TUFM: variants seen among roughly 807,000 people sequenced by gnomAD.
TUFM encodes the protein elongation factor Tu, mitochondrial.
In TUFM, 23 loss-of-function variants were observed where a neutral mutation model predicts 45.0. The observed-to-expected ratio is 0.51, with a 90% CI of 0.37 to 0.72. TUFM has a LOEUF of 0.72. Among genes scored for constraint, TUFM ranks in the 30% least tolerant of loss-of-function variants. TUFM has a pLI of 0.00. For missense variants in TUFM, 490 were observed against 610.7 expected (o/e 0.80, Z 2.08); for synonymous variants, 243 against 252.9 (o/e 0.96, Z 0.37).
rs1323220440 is a variant in TUFM, at chr16:28,844,618, TC to T, written c.685-68del. ...CTTCCCTCGATTATCAAGAGCCACT[TC>T]CCAGACACAAAGCAGAGCTCTGGGT... On this transcript the variant is annotated intron_variant, in intron 5 of 9. Coordinates refer to ENST00000313511, the MANE Select transcript of TUFM (RefSeq NM_003321.5). The surrounding 1 kb of genome is among the most constrained non-coding windows in gnomAD (Gnocchi z 5.8). The T allele has an allele frequency of 1.2e-6, 2 of 1,613,418 alleles. No individual in the cohort carries two copies. Among genetic ancestry groups the T allele is most frequent in the African/African-American group, 2.7e-5 (2 of 74,924 alleles).
Position 28,845,002 on chromosome 16 carries a change from G to A in TUFM, c.468C>T (p.Ala156=), listed in dbSNP as rs778108863. The A allele has an allele frequency of 6.2e-7, 1 of 1,614,146 alleles. No homozygotes were observed. The highest frequency in any genetic ancestry group is 8.5e-7 in the Non-Finnish European group (1 of 1,180,018). Residue 156 remains alanine (A), a synonymous_variant, in exon 4 of 10, where the codon GCC becomes GCT. Transcript: ENST00000313511. ...GGGTCTGGGGCATGGGGCCGTCATT[G>A]GCTGCTACCACCAGGATGCAGCCGT... ...PLDGCILVVA[A]NDGPMPQTRE...
chr16:28,843,002 C>T lies in TUFM; in HGVS notation c.1341G>A (p.Glu447=). ...GLVTNTLAMT[E]EEKNIKWG ...AACCCCATTTGATATTCTTCTCCTC[C>T]TCAGTCATGGCCAGCGTGTTGGTGA... Residue 447 remains glutamate, a synonymous_variant, in exon 10 of 10, where the codon GAG becomes GAA. Transcript: ENST00000313511. 6.2e-7 allele frequency: 1 copy of T among 1,614,212 alleles called. No individual in the cohort carries two copies. Among genetic ancestry groups the T allele is most frequent in the Non-Finnish European group, 8.5e-7 (1 of 1,180,046 alleles).
chr16:28,845,932 A>C lies in TUFM; in HGVS notation c.227T>G (p.Leu76Arg). The C allele has an allele frequency of 6.2e-7, 1 of 1,614,048 alleles. No homozygotes were observed. The highest frequency in any genetic ancestry group is 1.3e-5 in the African/African-American group (1 of 75,040). ...IGHVDHGKTT[L>R]TAAITKILAE... ...CTCACTCTTCGTGATGGCTGCAGTC[A>C]GCGTGGTCTTCCCGTGGTCCACATG... The change falls in exon 2 of 10, where the codon CTG (leucine) becomes CGG (arginine). Residue 76 changes from leucine to arginine, a missense_variant. Physicochemically the swap from Leu to Arg is moderately radical, Grantham distance 102. Coordinates refer to ENST00000313511, the MANE Select transcript of TUFM (RefSeq NM_003321.5).
rs1231389077 is a variant in TUFM, at chr16:28,845,985, C to T, written c.174G>A (p.Lys58=). Residue 58 remains lysine, a synonymous_variant, in exon 2 of 10, where the codon AAG becomes AAA. Transcript: ENST00000313511. ...VEAKKTYVRD[K]PHVNVGTIGH... ...CGATGGTACCCACATTCACATGTGGCTTGTCGCGCACGTAAGTCTTCTTGG... is the reference window on the plus strand; with the variant it reads ...CGATGGTACCCACATTCACATGTGGTTTGTCGCGCACGTAAGTCTTCTTGG... The T allele has an allele frequency of 6.2e-7, 1 of 1,613,994 alleles. No individual in the cohort carries two copies. Among genetic ancestry groups the T allele is most frequent in the Non-Finnish European group, 8.5e-7 (1 of 1,180,058 alleles).
At chr16:28,845,749 C>G (rs537581584) in intron 2 of TUFM, among the ~76,000 whole-genome samples, 163 bp downstream of exon 2, 2 of 152,276 alleles carry the variant, frequency 1.3e-5, no homozygotes, top group African/African-American at 4.8e-5. Context: ...TCTTCCTGTT[C>G]AGGAGAAATT....
In TUFM at chr16:28,842,888, A is replaced by G. The variant is rs954404253; in HGVS notation, c.*87T>C. 144 of 1,553,894 alleles carry G rather than the reference A, an allele frequency of 9.3e-5. No individual in the cohort carries two copies. The highest frequency in any genetic ancestry group is 2.7e-4 in the East Asian group (12 of 44,606). On this transcript the variant is annotated 3_prime_UTR_variant, in exon 10 of 10. Coordinates refer to ENST00000313511, the MANE Select transcript of TUFM (RefSeq NM_003321.5). ...GCTGCCCTCTGCTGGGTTGCAGCCT[A>G]TGCCATGAGAGGGTACTGGAAGCAG...
Position 28,846,023 on chromosome 16 carries a change from G to A in TUFM, c.136C>T (p.Leu46=), listed in dbSNP as rs1009921693. The part of the protein sequence containing the change: ...APALPLLCRG[L]AVEAKKTYVR... ...TAAGTCTTCTTGGCCTCCACGGCCA[G>A]GCCGCGGCACAAGAGAGGCAATGCC... Residue 46 remains leucine (L), a synonymous_variant, in exon 2 of 10, where the codon CTG becomes TTG. Coordinates refer to ENST00000313511, the MANE Select transcript of TUFM (RefSeq NM_003321.5). 6.2e-7 allele frequency: 1 copy of A among 1,613,700 alleles called. No individual in the cohort carries two copies. Among genetic ancestry groups the A allele is most frequent in the Admixed American group, 1.7e-5 (1 of 60,004 alleles).
Position 28,846,291 on chromosome 16 carries a change from G to T in TUFM, c.-22C>A, listed in dbSNP as rs548579608. The T allele has an allele frequency of 2.1e-5, 33 of 1,550,204 alleles. No individual in the cohort carries two copies. Among genetic ancestry groups the T allele is most frequent in the South Asian group, 7.1e-5 (6 of 84,372 alleles). On this transcript the variant is annotated 5_prime_UTR_variant, in exon 1 of 10. Coordinates refer to ENST00000313511, the MANE Select transcript of TUFM (RefSeq NM_003321.5). ...TCATACTCGCGCCCCGGTAACCGGGGAGCCGGGACCAGGAGCCCGAGCGCA... is the reference window on the plus strand; with the variant it reads ...TCATACTCGCGCCCCGGTAACCGGGTAGCCGGGACCAGGAGCCCGAGCGCA...
rs201306554 is a variant in TUFM at position 28,844,212 on chromosome 16, C to T, written c.922+18G>A. On this transcript the variant is annotated intron_variant, in intron 7 of 9. Transcript: ENST00000313511. This position sits in a 1 kb window ranked among gnomAD's most constrained non-coding sequence, Gnocchi z 5.8. ...CACCCTTCAGCCAGGCCCTGCTCTCCAGACTGGCTTCCCAAACCTGTCACC... is the reference window on the plus strand; with the variant it reads ...CACCCTTCAGCCAGGCCCTGCTCTCTAGACTGGCTTCCCAAACCTGTCACC... 24 of 1,613,904 alleles carry T rather than the reference C, an allele frequency of 1.5e-5. No individual in the cohort carries two copies. Among genetic ancestry groups the T allele is most frequent in the Non-Finnish European group, 2.0e-5 (24 of 1,179,770 alleles).
chr16:28,844,598 C>A lies in TUFM; in HGVS notation c.685-47G>T. On this transcript the variant is annotated intron_variant, in intron 5 of 9. Transcript: ENST00000313511. The surrounding 1 kb of genome is among the most constrained non-coding windows in gnomAD (Gnocchi z 5.8). ...ACTCTGAAATCCCCATTCTACTTCCCTCGATTATCAAGAGCCACTTCCCAG... is the reference window on the plus strand; with the variant it reads ...ACTCTGAAATCCCCATTCTACTTCCATCGATTATCAAGAGCCACTTCCCAG... 2 of 1,613,218 alleles carry A rather than the reference C, an allele frequency of 1.2e-6. No individual in the cohort carries two copies. The highest frequency in any genetic ancestry group is 1.1e-5 in the South Asian group (1 of 91,068).
intron 3 of TUFM, 84 bp from the exon 4 acceptor site, chr16:28,845,139 C>T: frequency 6.3e-7 from 1 of 1,574,892 alleles, no homozygotes; most frequent in Non-Finnish European, 8.7e-7. Flanking sequence ...CAGTTAGAAA[C>T]TCAGGCCCAC....
In TUFM at chr16:28,844,011, C is replaced by T. The variant is rs370231861; in HGVS notation, c.1013G>A (p.Arg338Gln). Reference sequence around the variant, plus strand: ...TGGCTTGACCATGACCAGGCCCCGCCGCAAGTCCTCCCGCTTCAAGCCTCG... The same window carrying T: ...TGGCTTGACCATGACCAGGCCCCGCTGCAAGTCCTCCCGCTTCAAGCCTCG... ...LVRGLKREDL[R>Q]RGLVMVKPGS... The change falls in exon 8 of 10, where the codon CGG becomes CAG. Residue 338 changes from arginine (R) to glutamine (Q), a missense_variant. Coordinates refer to ENST00000313511, the MANE Select transcript of TUFM (RefSeq NM_003321.5). The surrounding 1 kb of genome is among the most constrained non-coding windows in gnomAD (Gnocchi z 5.8). 28 of 1,614,070 alleles carry T rather than the reference C, an allele frequency of 1.7e-5. No individual in the cohort carries two copies. Among genetic ancestry groups the T allele is most frequent in the African/African-American group, 5.3e-5 (4 of 74,926 alleles).
chr16:28,842,575 C>T lies in TUFM; in HGVS notation c.*400G>A. The T allele has an allele frequency of 3.3e-6, 1 of 303,618 alleles. No individual in the cohort carries two copies. Among genetic ancestry groups the T allele is most frequent in the Non-Finnish European group, 6.4e-6 (1 of 155,136 alleles). The allele number at this position is 303,618 out of a possible 1,614,324, so 18.8% of individuals were successfully genotyped here. ...GGCACCTGAGCTGAAGCCATGCTGG[C>T]TCCAGAGCGATAGAACATTCTTTCC... is the stretch of plus-strand genomic sequence containing the variant. On this transcript the variant is annotated 3_prime_UTR_variant, in exon 10 of 10. Coordinates refer to ENST00000313511, the MANE Select transcript of TUFM (RefSeq NM_003321.5).
rs755419385 is a variant in TUFM at position 28,842,930 on chromosome 16, G to A, written c.*45C>T. 10 of 1,611,188 alleles carry A rather than the reference G, an allele frequency of 6.2e-6. No homozygotes were observed. The highest frequency in any genetic ancestry group is 8.5e-6 in the Non-Finnish European group (10 of 1,178,470). ...TGGAAGCAGGAGGGAGCCCTGGCTA[G>A]GGCAGGCCTTAAACGCAAGGGAAGC... On this transcript the variant is annotated 3_prime_UTR_variant, in exon 10 of 10. Transcript: ENST00000313511.
At chr16:28,843,643 C>A (rs1460343326) in intron 9 of TUFM, 93 bp downstream of exon 9, 28 of 1,563,582 alleles carry the variant, frequency 1.8e-5, no homozygotes, top group Non-Finnish European at 2.3e-5. Context: ...TAAAGCCACT[C>A]GGGTTGTCAC....
At position 28,845,063 on chromosome 16, in the gene TUFM, G is replaced by C. The variant is rs1961902819; in HGVS notation, c.415-8C>G. On this transcript the variant is annotated splice_polypyrimidine_tract_variant and splice_region_variant and intron_variant, in intron 3 of 9. Coordinates refer to ENST00000313511, the MANE Select transcript of TUFM (RefSeq NM_003321.5). Reference sequence around the variant, plus strand: ...AGTGCCTGTGATCATATTCTGGAGAGGAGAAGGAAAGGAAACAGCCAAGTT... The same window carrying C: ...AGTGCCTGTGATCATATTCTGGAGACGAGAAGGAAAGGAAACAGCCAAGTT... The C allele has an allele frequency of 1.9e-6, 3 of 1,613,756 alleles. No individual in the cohort carries two copies. Among genetic ancestry groups the C allele is most frequent in the African/African-American group, 1.3e-5 (1 of 74,890 alleles).
Position 28,843,940 on chromosome 16 carries a change from G to C in TUFM, c.1074+10C>G. The C allele has an allele frequency of 6.2e-7, 1 of 1,614,076 alleles. No homozygotes were observed. The highest frequency in any genetic ancestry group is 1.1e-5 in the South Asian group (1 of 91,082). ...GCTCAACCCTGCCCACCGTCACCTGGAGCCCTCACCTGGGCCTCCACCTTC... is the reference window on the plus strand; with the variant it reads ...GCTCAACCCTGCCCACCGTCACCTGCAGCCCTCACCTGGGCCTCCACCTTC... On this transcript the variant is annotated intron_variant, in intron 8 of 9. Coordinates refer to ENST00000313511, the MANE Select transcript of TUFM (RefSeq NM_003321.5).
chr16:28,844,639 C>T lies in TUFM; in HGVS notation c.684+59G>A, dbSNP rs1961885612. On this transcript the variant is annotated intron_variant, in intron 5 of 9. Coordinates refer to ENST00000313511, the MANE Select transcript of TUFM (RefSeq NM_003321.5). The surrounding 1 kb of genome is among the most constrained non-coding windows in gnomAD (Gnocchi z 5.8). ...CACTTCCCAGACACAAAGCAGAGCT[C>T]TGGGTGCCCATCCAGCCCCACCCTC... 1 of 1,613,918 alleles carries T rather than the reference C, an allele frequency of 6.2e-7. No homozygotes were observed. Among genetic ancestry groups the T allele is most frequent in the South Asian group, 1.1e-5 (1 of 91,080 alleles).
At position 28,844,354 on chromosome 16, in the gene TUFM, G is replaced by A. The variant is rs1325928961; in HGVS notation, c.818-20C>T. The A allele has an allele frequency of 6.2e-7, 1 of 1,614,188 alleles. No homozygotes were observed. Among genetic ancestry groups the A allele is most frequent in the South Asian group, 1.1e-5 (1 of 91,084 alleles). ...CACGGCCTGGGAGGGAATAAGACAG[G>A]ATATCAGGGACCCCGAGCTAGGCTT... is the stretch of plus-strand genomic sequence containing the variant. On this transcript the variant is annotated intron_variant, in intron 6 of 9. Transcript: ENST00000313511. This position sits in a 1 kb window ranked among gnomAD's most constrained non-coding sequence, Gnocchi z 5.8.
Sources: gnomAD v4.1 joint callset for allele counts (sites outside exome capture counted in the v4.1 genomes callset) on GRCh38, gnomAD v4.1.1 for gene constraint, Gnocchi (gnomAD v3.1) non-coding constraint, MANE v1.5 for transcripts, NCBI Gene and HGNC (gene_info 2026-07-23, HGNC 2026-07-21) for gene names.